Variants in EML5 observed in about 807,000 individuals in gnomAD.
EML5 encodes echinoderm microtubule-associated protein-like 5.
Under a neutral mutation model 250.0 loss-of-function variants are expected in EML5, and 120 were observed. The ratio of observed to expected loss-of-function variants is 0.48; its 90% CI spans 0.41 to 0.56. The LOEUF is 0.56. Among genes scored for constraint, EML5 ranks in the 20% least tolerant of loss-of-function variants. The probability of loss-of-function intolerance (pLI) is 0.00; values close to 1 mark genes in which losing one functional copy is unlikely to be tolerated. For missense variants in EML5, 2,006 were observed against 2,437.6 expected, an observed-to-expected ratio of 0.82 and a Z score of 3.73; for synonymous variants, 771 against 806.5, an observed-to-expected ratio of 0.96 and a Z score of 0.75.
In EML5 at chr14:88,649,943, G is replaced by A. The variant is rs2091541064; in HGVS notation, c.4005-17C>T. Reference sequence around the variant, plus strand: ...ACTCCCTGCCTTCAAAAGGAGCAAGGGGGAAAAAAGTAGGAAAACATATAA... The same window carrying A: ...ACTCCCTGCCTTCAAAAGGAGCAAGAGGGAAAAAAGTAGGAAAACATATAA... On this transcript the variant is annotated splice_polypyrimidine_tract_variant and intron_variant, in intron 27 of 43. Coordinates refer to ENST00000554922, the MANE Select transcript of EML5 (RefSeq NM_183387.3). The A allele has an allele frequency of 1.4e-6, 2 of 1,469,554 alleles. No individual in the cohort carries two copies. The highest frequency in any genetic ancestry group is 1.8e-6 in the Non-Finnish European group (2 of 1,111,142). 91.0% of individuals were successfully genotyped at this position (1,469,554 alleles called of 1,614,324 possible).
chr14:88,630,031 T>C (rs2090344828), intron 33 of EML5, among the ~76,000 whole-genome samples: 1 of 144,912 alleles, frequency 6.9e-6, no homozygotes, highest in African/African-American at 2.6e-5. Context: ...GTATTTTTTT[T>C]TTTTTTTTTT....
intron 1 of EML5, among the ~76,000 whole-genome samples, chr14:88,790,102 C>T (rs992573561): frequency 2.6e-5 from 4 of 152,140 alleles, no homozygotes; most frequent in Non-Finnish European, 5.9e-5. Context: ...TTAATATTAG[C>T]TCAATATATT....
At chr14:88,696,807 G>A in intron 15 of EML5, 40 bp downstream of exon 15, 2 of 1,439,426 alleles carry the variant, frequency 1.4e-6, no homozygotes, top group Non-Finnish European at 1.9e-6. Flanking sequence ...TGTTGCCTCT[G>A]CATTTTGTTA....
At position 88,616,122 on chromosome 14, in the gene EML5, G is replaced by A. The variant is rs757803047; in HGVS notation, c.5897+20C>T. ...ACTAGTAACATAGTCTGCTCTTCATGGGCTGAGAAAGTTACTAACCTGCAG... is the reference window on the plus strand; with the variant it reads ...ACTAGTAACATAGTCTGCTCTTCATAGGCTGAGAAAGTTACTAACCTGCAG... On this transcript the variant is annotated intron_variant, in intron 43 of 43. Transcript: ENST00000554922. 30 of 1,610,806 alleles carry A rather than the reference G, an allele frequency of 1.9e-5. No homozygotes were observed. In the South Asian group the frequency reaches 2.9e-4, roughly 15 times the overall value.
chr14:88,648,529 A>T (rs1595364766), intron 28 of EML5, among the ~76,000 whole-genome samples: 2 of 151,604 alleles, frequency 1.3e-5, no homozygotes, highest in South Asian at 2.1e-4. Context: ...AATTTTTAAA[A>T]TTTTTTTTGT....
At chr14:88,705,958 A>G in intron 11 of EML5, 1 of 538,698 alleles carries the variant, frequency 1.9e-6, no homozygotes, top group South Asian at 1.8e-5. Flanking sequence ...AAAAGCATTT[A>G]CAAAATCTAG....
chr14:88,712,565 A>G, intron 9 of EML5, 82 bp from the exon 10 acceptor site: 1 of 1,134,486 alleles, frequency 8.8e-7, no homozygotes, highest in Non-Finnish European at 1.2e-6. Flanking sequence ...AACATAGTAA[A>G]TTCCAAAATT....
intron 17 of EML5, among the ~76,000 whole-genome samples, chr14:88,692,103 G>A (rs555780931): frequency 2.0e-5 from 3 of 152,088 alleles, no homozygotes; most frequent in East Asian, 1.9e-4. Context: ...GGCTGGGCAC[G>A]GTGGCTCATG....
At chr14:88,720,453 C>T (rs1216943828) in intron 8 of EML5, among the ~76,000 whole-genome samples, 1 of 152,082 alleles carries the variant, frequency 6.6e-6, no homozygotes, top group African/African-American at 2.4e-5. Flanking sequence ...GGCTTCATCC[C>T]CGAGATGCAA....
chr14:88,754,794 T>G, intron 1 of EML5, 123 bp from the exon 2 acceptor site: 1 of 883,814 alleles, frequency 1.1e-6, no homozygotes, highest in South Asian at 1.7e-5. Context: ...CTTTAGACAA[T>G]TTGGATTTTT....
intron 28 of EML5, 30 bp from the exon 29 acceptor site, chr14:88,646,985 G>C: frequency 1.3e-6 from 2 of 1,586,812 alleles, no homozygotes; most frequent in Non-Finnish European, 1.7e-6. Context: ...GAGGGAAAAA[G>C]ATTACAACAT....
At position 88,706,264 on chromosome 14, in the gene EML5, G is replaced by C. The variant is rs942771964; in HGVS notation, c.1820C>G (p.Pro607Arg). 83 of 1,600,632 alleles carry C rather than the reference G, an allele frequency of 5.2e-5. No individual in the cohort carries two copies. Among genetic ancestry groups the C allele is most frequent in the Non-Finnish European group, 6.9e-5 (81 of 1,174,996 alleles). The change falls in exon 11 of 44, where the codon CCC (proline) becomes CGC (arginine). Residue 607 changes from proline (P) to arginine (R), a missense_variant. By Grantham distance (103) the Pro-to-Arg change is moderately radical (BLOSUM62 -2). Coordinates refer to ENST00000554922, the MANE Select transcript of EML5 (RefSeq NM_183387.3). Reference protein sequence around the residue: ...RKLKDAVHIAPQESLADSHSD... With the variant: ...RKLKDAVHIARQESLADSHSD... ...AGCTAATGCATACTACTCACCTTGG[G>C]GTGCTATGTGAACAGCATCTTTCAG...
chr14:88,631,785 A>G (rs2090454489), intron 33 of EML5, among the ~76,000 whole-genome samples: 1 of 152,148 alleles, frequency 6.6e-6, no homozygotes, highest in South Asian at 2.1e-4. Context: ...AAAGAAAAAA[A>G]CAAAACAGAA....
chr14:88,641,334 A>G (rs2091054369), intron 31 of EML5, among the ~76,000 whole-genome samples: 1 of 152,042 alleles, frequency 6.6e-6, no homozygotes, highest in South Asian at 2.1e-4. Context: ...CAATATTCCC[A>G]TAGAAAACTA....
rs1445507646 is a variant in EML5 at position 88,761,625 on chromosome 14, T to G, written c.198-6954A>C. Among the ~76,000 whole-genome samples, 4 of 152,336 alleles carry G rather than the reference T, an allele frequency of 2.6e-5. No individual in the cohort carries two copies. In the East Asian group the frequency reaches 7.7e-4, roughly 29 times the overall value. On this transcript the variant is annotated intron_variant, in intron 1 of 43. Transcript: ENST00000554922. Reference sequence around the variant, plus strand: ...TGGGCATTTGGGTTGGTTCCAAGTCTTTGCTATTGTGAACAGTGCTGTAAT... The same window carrying G: ...TGGGCATTTGGGTTGGTTCCAAGTCGTTGCTATTGTGAACAGTGCTGTAAT...
chr14:88,771,892 T>C lies in EML5; in HGVS notation c.198-17221A>G, dbSNP rs1285493219. On this transcript the variant is annotated intron_variant, in intron 1 of 43. Coordinates refer to ENST00000554922, the MANE Select transcript of EML5 (RefSeq NM_183387.3). ...CACCCCACCTCTGAATATTAAAGTG[T>C]ATGAGGGCTTTGTCTTGGCTGTTTT... Among the ~76,000 whole-genome samples the C allele has an allele frequency of 2.6e-5, 4 of 152,284 alleles. No individual in the cohort carries two copies. In the South Asian group the frequency reaches 6.2e-4, roughly 24 times the overall value.
chr14:88,693,227 C>T (rs2092999847), intron 17 of EML5, among the ~76,000 whole-genome samples: 1 of 152,086 alleles, frequency 6.6e-6, no homozygotes, highest in Non-Finnish European at 1.5e-5. Context: ...ATGAATACTA[C>T]TGTATTAGTC....
chr14:88,654,882 G>C (rs1348646010), intron 27 of EML5, among the ~76,000 whole-genome samples: 4 of 152,088 alleles, frequency 2.6e-5, no homozygotes, highest in Admixed American at 1.3e-4. Flanking sequence ...GGGTGTTAAA[G>C]TCTCCCACTA....
At chr14:88,719,432 G>A (rs2093555741) in intron 8 of EML5, among the ~76,000 whole-genome samples, 2 of 152,140 alleles carry the variant, frequency 1.3e-5, no homozygotes, top group Admixed American at 1.3e-4. Context: ...ACTATTAATA[G>A]TCTATCCCAT....
Sources: gnomAD v4.1 joint callset for allele counts (sites outside exome capture counted in the v4.1 genomes callset) on GRCh38, gnomAD v4.1.1 for gene constraint, MANE v1.5 for transcripts, NCBI Gene and HGNC (gene_info 2026-07-23, HGNC 2026-07-21) for gene names.